GULP1: variants seen among roughly 807,000 people sequenced by gnomAD.
GULP1 encodes GULP PTB domain containing engulfment adaptor 1.
In GULP1, 19 loss-of-function variants were observed where a neutral mutation model predicts 40.9. That is an observed-to-expected ratio of 0.46 (90% CI 0.32 to 0.68). GULP1 has a LOEUF of 0.68. GULP1 is among the 30% of genes least tolerant of loss of function. The pLI is 0.03. For synonymous variants in GULP1, 119 were observed against 117.6 expected, an observed-to-expected ratio of 1.01 and a Z score of -0.08; for missense variants, 312 against 362.2, an observed-to-expected ratio of 0.86 and a Z score of 1.12.
intron 4 of GULP1, 104 bp from the exon 5 acceptor site, chr2:188,522,652 T>C (rs1685146318): frequency 2.0e-6 from 1 of 510,172 alleles, no homozygotes; most frequent in Non-Finnish European, 3.6e-6. Flanking sequence ...ACATATGAGT[T>C]TGCATTACTA....
chr2:188,329,448 G>C (rs1482175092), intron 1 of GULP1, among the ~76,000 whole-genome samples: 1 of 152,072 alleles, frequency 6.6e-6, no homozygotes, highest in Non-Finnish European at 1.5e-5. Flanking sequence ...GGAGGTGTGT[G>C]GGGGAAAGAA....
chr2:188,437,988 G>A (rs533659604), intron 2 of GULP1, among the ~76,000 whole-genome samples: 5 of 151,916 alleles, frequency 3.3e-5, no homozygotes, highest in Non-Finnish European at 7.4e-5. Context: ...TTAGTGCCTC[G>A]GTGATGAAAT....
intron 4 of GULP1, among the ~76,000 whole-genome samples, chr2:188,499,133 GTGTATATATA>G (rs60762455): frequency 0.14 from 17,428 of 120,684 alleles, 1,445 homozygotes; most frequent in Non-Finnish European, 0.19. Flanking sequence ...ATATATGTGT[GTGTATATATA>G]TATATATATA....
At chr2:188,297,208 C>T (rs2035154343) in intron 1 of GULP1, among the ~76,000 whole-genome samples, 2 of 151,378 alleles carry the variant, frequency 1.3e-5, no homozygotes, top group African/African-American at 2.4e-5. Context: ...TTTATACCTC[C>T]GAAAGAAGAG....
intron 7 of GULP1, among the ~76,000 whole-genome samples, chr2:188,560,110 C>A (rs1695863356): frequency 6.6e-6 from 1 of 152,174 alleles, no homozygotes; most frequent in Non-Finnish European, 1.5e-5. Flanking sequence ...ATTTTCTAAA[C>A]TTTTATGCTG....
intron 2 of GULP1, among the ~76,000 whole-genome samples, chr2:188,429,519 G>A (rs1355855108): frequency 6.6e-6 from 1 of 152,076 alleles, no homozygotes; most frequent in East Asian, 1.9e-4. Flanking sequence ...AGATTCAGTA[G>A]GAGTCAGTAC....
chr2:188,504,809 G>T (rs957479077), intron 4 of GULP1, among the ~76,000 whole-genome samples: 1 of 151,804 alleles, frequency 6.6e-6, no homozygotes, highest in African/African-American at 2.4e-5. Context: ...AAGTTAACTG[G>T]TTTTTTTGTT....
intron 4 of GULP1, among the ~76,000 whole-genome samples, chr2:188,490,884 A>G (rs917041247): frequency 2.6e-5 from 4 of 151,982 alleles, no homozygotes; most frequent in Admixed American, 6.6e-5. Context: ...GTTCACTGCA[A>G]CCTCTGCCTC....
chr2:188,304,901 TG>T (rs887650856), intron 1 of GULP1, among the ~76,000 whole-genome samples: 1 of 152,114 alleles, frequency 6.6e-6, no homozygotes, highest in African/African-American at 2.4e-5. Flanking sequence ...ACCAAATATA[TG>T]GGTTTTTTTC....
intron 4 of GULP1, among the ~76,000 whole-genome samples, chr2:188,505,944 T>C (rs1011760942): frequency 1.3e-5 from 2 of 151,818 alleles, no homozygotes; most frequent in East Asian, 1.9e-4. Flanking sequence ...TGCATGACCT[T>C]ATTAATGAGA....
intron 2 of GULP1, among the ~76,000 whole-genome samples, chr2:188,444,770 T>G (rs1189795727): frequency 1.3e-5 from 2 of 152,220 alleles, no homozygotes; most frequent in East Asian, 3.9e-4. Context: ...AATTCTGATA[T>G]TGTGCATTTC....
intron 2 of GULP1, among the ~76,000 whole-genome samples, chr2:188,463,288 A>G (rs1474100488): frequency 6.6e-6 from 1 of 152,192 alleles, no homozygotes; most frequent in African/African-American, 2.4e-5. Flanking sequence ...TGCCATATAC[A>G]TTCTAGGAAA....
At chr2:188,420,594 G>A (rs1374547081) in intron 2 of GULP1, among the ~76,000 whole-genome samples, 1 of 152,122 alleles carries the variant, frequency 6.6e-6, no homozygotes, top group Admixed American at 6.5e-5. Context: ...CACCAGAGAG[G>A]GTGTAAGTCA....
chr2:188,561,955 T>G (rs965856830), intron 7 of GULP1, among the ~76,000 whole-genome samples: 3 of 152,138 alleles, frequency 2.0e-5, no homozygotes, highest in Admixed American at 6.5e-5. Context: ...CAGTGGCACT[T>G]GTATTCTACC....
chr2:188,344,096 C>T (rs1029981835), intron 1 of GULP1, among the ~76,000 whole-genome samples: 2 of 152,202 alleles, frequency 1.3e-5, no homozygotes, highest in African/African-American at 4.8e-5. Context: ...GCATGAGCCA[C>T]CACGCCTGGC....
At chr2:188,460,971 C>T (rs915632911) in intron 2 of GULP1, among the ~76,000 whole-genome samples, 1 of 152,112 alleles carries the variant, frequency 6.6e-6, no homozygotes, top group African/African-American at 2.4e-5. Flanking sequence ...ATTATTGCAT[C>T]CTAAGGGTAA....
intron 7 of GULP1, among the ~76,000 whole-genome samples, chr2:188,555,074 G>T (rs1694404473): frequency 6.6e-6 from 1 of 151,866 alleles, no homozygotes; most frequent in African/African-American, 2.4e-5. Flanking sequence ...CATATATTTG[G>T]ATCATTTAAA....
At chr2:188,477,207 A>T (rs1296515694) in intron 2 of GULP1, among the ~76,000 whole-genome samples, 1 of 152,146 alleles carries the variant, frequency 6.6e-6, no homozygotes, top group Non-Finnish European at 1.5e-5. Flanking sequence ...CTTAAGTGGT[A>T]GGTAATTTTA....
At chr2:188,319,588 T>G (rs1175753362) in intron 1 of GULP1, among the ~76,000 whole-genome samples, 1 of 152,156 alleles carries the variant, frequency 6.6e-6, no homozygotes, top group African/African-American at 2.4e-5. Context: ...GAAACATGAC[T>G]ATGAGCATAT....
Sources: allele counts gnomAD v4.1 joint callset (sites outside exome capture counted in the v4.1 genomes callset), GRCh38; gene constraint gnomAD v4.1.1; transcripts MANE v1.5; gene names NCBI Gene and HGNC (gene_info 2026-07-23, HGNC 2026-07-21).